CIP2A: variants seen among roughly 807,000 people sequenced by gnomAD.
The protein encoded by CIP2A is cellular inhibitor of PP2A.
A neutral mutation model predicts 110.9 loss-of-function variants in CIP2A; 103 were observed. That is an observed-to-expected ratio of 0.93 (90% CI 0.79 to 1.09). The LOEUF (loss-of-function observed/expected upper bound fraction) is 1.09, where lower values mean the gene tolerates loss of function less well. Among genes scored for constraint, CIP2A ranks in the 50% least tolerant of loss-of-function variants. The pLI is 0.00. For missense variants in CIP2A, 1,088 were observed against 1,038.4 expected (o/e 1.05, Z -0.66); for synonymous variants, 381 against 361.6 (o/e 1.05, Z -0.61).
At chr3:108,583,636 G>C (rs76245806) in intron 2 of CIP2A, among the ~76,000 whole-genome samples, 19 of 152,020 alleles carry the variant, frequency 1.2e-4, no homozygotes, top group Non-Finnish European at 5.9e-5. Flanking sequence ...AGCCGTTAGT[G>C]GGGGAGATGA....
intron 8 of CIP2A, among the ~76,000 whole-genome samples, chr3:108,575,381 T>C (rs1431585837): frequency 6.6e-5 from 10 of 150,446 alleles, no homozygotes; most frequent in South Asian, 6.3e-4. Context: ...CATATACATG[T>C]ATGCGTGTAT....
rs758028835 is a variant in CIP2A, at chr3:108,552,217, A to G, written c.2547+17T>C. The G allele has an allele frequency of 1.0e-5, 16 of 1,542,990 alleles. No individual in the cohort carries two copies. Among genetic ancestry groups the G allele is most frequent in the Non-Finnish European group, 1.3e-5 (15 of 1,150,884 alleles). Reference sequence around the variant, plus strand: ...TTTTTTATTTTACTGCAAATGAGAAATGGAACAGATTCTTACCTTAATGCT... The same window carrying G: ...TTTTTTATTTTACTGCAAATGAGAAGTGGAACAGATTCTTACCTTAATGCT... On this transcript the variant is annotated intron_variant, in intron 20 of 20. Transcript: ENST00000295746.
At chr3:108,554,703 T>C (rs1937727072) in intron 17 of CIP2A, among the ~76,000 whole-genome samples, 2 of 152,150 alleles carry the variant, frequency 1.3e-5, no homozygotes, top group South Asian at 4.1e-4. Flanking sequence ...TAAAAATTAC[T>C]ATGAAATAGA....
intron 13 of CIP2A, among the ~76,000 whole-genome samples, chr3:108,561,845 AG>A (rs1384583263): frequency 3.3e-5 from 5 of 152,294 alleles, no homozygotes; most frequent in Non-Finnish European, 7.4e-5. Flanking sequence ...CAAATAAGAC[AG>A]GGAATGCCAA....
rs199761773 is a variant in CIP2A, at chr3:108,569,438, G to A, written c.1064C>T (p.Ser355Leu). 103 of 1,612,476 alleles carry A rather than the reference G, an allele frequency of 6.4e-5. No homozygotes were observed. The highest frequency in any genetic ancestry group is 1.7e-5 in the Admixed American group (1 of 59,780). Residue 355 changes from serine to leucine, a missense_variant, in exon 9 of 21, where the codon TCA (serine) becomes TTA (leucine). Physicochemically the swap from Ser to Leu is moderately radical, Grantham distance 145. Transcript: ENST00000295746. ...CAATGCTAAAACAGAACAGTTTTCT[G>A]ATCCGTCCAAAGGTTGGCTTAACCA... ...LRWLSQPLDGSENCSVLALEL... is the reference protein window; with the variant it reads ...LRWLSQPLDGLENCSVLALEL...
At chr3:108,588,288 G>C (rs1004221639) in intron 1 of CIP2A, among the ~76,000 whole-genome samples, 1 of 152,056 alleles carries the variant, frequency 6.6e-6, no homozygotes, top group Non-Finnish European at 1.5e-5. Context: ...TTAAAATAAA[G>C]AATGAAAAAG....
chr3:108,569,334 T>C (rs992511400), intron 9 of CIP2A, 55 bp downstream of exon 9: 8 of 1,271,874 alleles, frequency 6.3e-6, no homozygotes, highest in African/African-American at 3.0e-5. Context: ...TGAAGACAAA[T>C]TGTTAACTGA....
At chr3:108,552,769 A>AT (rs1937624763) in intron 19 of CIP2A, among the ~76,000 whole-genome samples, 1 of 152,118 alleles carries the variant, frequency 6.6e-6, no homozygotes, top group South Asian at 2.1e-4. Flanking sequence ...TTCCTTCAAC[A>AT]TTTTTTTATT....
chr3:108,560,864 A>G (rs1048886062), intron 13 of CIP2A, 23 bp from the exon 14 acceptor site: 6 of 1,441,314 alleles, frequency 4.2e-6, no homozygotes, highest in Non-Finnish European at 5.6e-6. Flanking sequence ...CAAAGAAAGG[A>G]AAAAAAAATT....
At chr3:108,583,754 T>C (rs978713264) in intron 2 of CIP2A, among the ~76,000 whole-genome samples, 2 of 152,170 alleles carry the variant, frequency 1.3e-5, no homozygotes, top group African/African-American at 4.8e-5. Flanking sequence ...TATTTCAAAA[T>C]ATGACTTGAA....
intron 8 of CIP2A, among the ~76,000 whole-genome samples, chr3:108,575,439 CAT>C (rs755989100): frequency 7.8e-4 from 114 of 146,138 alleles, no homozygotes; most frequent in Middle Eastern, 3.9e-3. Flanking sequence ...CATACACATA[CAT>C]ATATACATAT....
chr3:108,586,831 C>T (rs1330531276), intron 1 of CIP2A, among the ~76,000 whole-genome samples: 1 of 152,106 alleles, frequency 6.6e-6, no homozygotes, highest in Non-Finnish European at 1.5e-5. Flanking sequence ...CTCAGCTTTG[C>T]CAGTCATCAA....
Position 108,562,767 on chromosome 3 carries a change from G to A in CIP2A, c.1634+359C>T, listed in dbSNP as rs550691045. 3.9e-5 allele frequency among the ~76,000 whole-genome samples: 6 copies of A among 152,082 alleles called. No homozygotes were observed. The East Asian group carries it at 1.2e-3, about 29-fold the overall frequency. On this transcript the variant is annotated intron_variant, in intron 13 of 20. Coordinates refer to ENST00000295746, the MANE Select transcript of CIP2A (RefSeq NM_020890.3). ...AACCCAGGCCTGGTCAATGACTAAT[G>A]CTTAGACCTTTTCCTTAAACAGTCA...
At chr3:108,556,141 G>T (rs1490247233) in intron 17 of CIP2A, among the ~76,000 whole-genome samples, 1 of 152,040 alleles carries the variant, frequency 6.6e-6, no homozygotes, top group South Asian at 2.1e-4. Context: ...AGTTGCTGGG[G>T]TAAATATCCT....
intron 8 of CIP2A, among the ~76,000 whole-genome samples, chr3:108,573,071 T>C (rs1938452702): frequency 6.6e-6 from 1 of 152,090 alleles, no homozygotes; most frequent in Admixed American, 6.6e-5. Flanking sequence ...ATTTTTCTGC[T>C]TTTTTGTTAA....
intron 5 of CIP2A, among the ~76,000 whole-genome samples, chr3:108,581,005 G>A (rs1938855444): frequency 6.6e-6 from 1 of 152,150 alleles, no homozygotes; most frequent in African/African-American, 2.4e-5. Flanking sequence ...GGTTCATACT[G>A]AGCACTTAAC....
At chr3:108,556,184 T>A (rs1243316068) in intron 17 of CIP2A, among the ~76,000 whole-genome samples, 1 of 152,188 alleles carries the variant, frequency 6.6e-6, no homozygotes, top group Non-Finnish European at 1.5e-5. Flanking sequence ...ATTTTCTAGA[T>A]ACTATTCATT....
intron 16 of CIP2A, among the ~76,000 whole-genome samples, chr3:108,558,174 T>C (rs1003524613): frequency 6.6e-6 from 1 of 152,106 alleles, no homozygotes; most frequent in Non-Finnish European, 1.5e-5. Flanking sequence ...TATTTTAATA[T>C]CACTAATGTT....
chr3:108,550,970 T>C lies in CIP2A; in HGVS notation c.*179A>G, dbSNP rs959251246. The C allele has an allele frequency of 8.1e-6, 3 of 371,380 alleles. No individual in the cohort carries two copies. Among genetic ancestry groups the C allele is most frequent in the South Asian group, 1.4e-4 (1 of 7,350 alleles). The allele number at this position is 371,380 out of a possible 1,614,324, so 23.0% of individuals were successfully genotyped here. On this transcript the variant is annotated 3_prime_UTR_variant, in exon 21 of 21. Coordinates refer to ENST00000295746, the MANE Select transcript of CIP2A (RefSeq NM_020890.3). ...GAAACAAAAAGTAAAACTTAGAAAATTAAATTTCTATTCAAACTATCAAAT... is the reference window on the plus strand; with the variant it reads ...GAAACAAAAAGTAAAACTTAGAAAACTAAATTTCTATTCAAACTATCAAAT...
Sources: allele counts gnomAD v4.1 joint callset (sites outside exome capture counted in the v4.1 genomes callset), GRCh38; gene constraint gnomAD v4.1.1; transcripts MANE v1.5; gene names NCBI Gene and HGNC (gene_info 2026-07-23, HGNC 2026-07-21).